The following AP3D1 variants were observed in gnomAD, a reference collection of about 807,000 sequenced individuals.
AP3D1 encodes AP-3 complex subunit delta-1.
In AP3D1, 51 loss-of-function variants were observed where a neutral mutation model predicts 147.6. The ratio of observed to expected loss-of-function variants is 0.35; its 90% CI spans 0.28 to 0.44. The LOEUF (loss-of-function observed/expected upper bound fraction) is 0.44. Among genes scored for constraint, AP3D1 ranks in the 20% least tolerant of loss-of-function variants. The pLI is 1.00. For missense variants in AP3D1, 1,421 were observed against 1,624.2 expected (o/e 0.87, Z 2.15); for synonymous variants, 760 against 663.0 (o/e 1.15, Z -2.25).
At chr19:2,146,502 G>A (rs796203552) in intron 1 of AP3D1, among the ~76,000 whole-genome samples, 46 of 151,900 alleles carry the variant, frequency 3.0e-4, no homozygotes, top group African/African-American at 1.0e-3. Context: ...TACTTCGGAG[G>A]CTGAGGCAGG....
intron 11 of AP3D1, 126 bp from the exon 12 acceptor site, chr19:2,122,005 G>A (rs2018625509): frequency 9.0e-7 from 1 of 1,109,890 alleles, no homozygotes; most frequent in Non-Finnish European, 1.3e-6. Context: ...ACCTGGGGGT[G>A]GACAGAGCAA....
chr19:2,116,768 C>T (rs767139162), intron 16 of AP3D1, 22 bp from the exon 17 acceptor site: 1 of 1,592,906 alleles, frequency 6.3e-7, no homozygotes, highest in South Asian at 1.1e-5. Flanking sequence ...AGGAGGGCCA[C>T]ACAAGGCAGT....
At chr19:2,148,943 AG>A (rs2019433978) in intron 1 of AP3D1, among the ~76,000 whole-genome samples, 2 of 151,710 alleles carry the variant, frequency 1.3e-5, no homozygotes, top group Admixed American at 1.3e-4. Context: ...GCGGGAGGGA[AG>A]AACCTACAAC....
rs1410423212 is a variant in AP3D1 at position 2,132,684 on chromosome 19, G to A, written c.355-106C>T. 4 of 883,546 alleles carry A rather than the reference G, an allele frequency of 4.5e-6. No individual in the cohort carries two copies. In the Admixed American group the frequency reaches 6.1e-5, roughly 13 times the overall value. 54.7% of individuals were successfully genotyped at this position (883,546 alleles called of 1,614,324 possible). ...GCGAAATTCTCCCAGGATGCCCCAGGACTCGGCATATCCTCTTGGGGTGCA... is the reference window on the plus strand; with the variant it reads ...GCGAAATTCTCCCAGGATGCCCCAGAACTCGGCATATCCTCTTGGGGTGCA... On this transcript the variant is annotated intron_variant, in intron 4 of 31. Transcript: ENST00000643116.
chr19:2,118,840 C>G lies in AP3D1; in HGVS notation c.1482-8G>C. 6.2e-7 allele frequency: 1 copy of G among 1,610,078 alleles called. No individual in the cohort carries two copies. The stretch of plus-strand genomic sequence containing the variant: ...TGTGGTTCCTGCAGATGCCTGAGGA[C>G]AGGAAACACTGTGAGCCCCCAGGAT... On this transcript the variant is annotated splice_region_variant and splice_polypyrimidine_tract_variant and intron_variant, in intron 14 of 31. Coordinates refer to ENST00000643116, the MANE Select transcript of AP3D1 (RefSeq NM_001261826.3).
intron 9 of AP3D1, among the ~76,000 whole-genome samples, chr19:2,125,859 G>A (rs1374448306): frequency 6.6e-6 from 1 of 151,864 alleles, no homozygotes; most frequent in Non-Finnish European, 1.5e-5. Context: ...AAAGAGATGG[G>A]GTGCTGGCTG....
At chr19:2,132,687 T>C (rs1305646331) in intron 4 of AP3D1, 109 bp from the exon 5 acceptor site, 2 of 852,346 alleles carry the variant, frequency 2.3e-6, no homozygotes, top group Admixed American at 4.1e-5. Flanking sequence ...GCCCCAGGAC[T>C]CGGCATATCC....
chr19:2,138,691 A>T lies in AP3D1; in HGVS notation c.120T>A (p.Ile40=), dbSNP rs1445754117. 1.2e-6 allele frequency: 2 copies of T among 1,613,348 alleles called. No homozygotes were observed. The highest frequency in any genetic ancestry group is 1.7e-6 in the Non-Finnish European group (2 of 1,179,870). ...EDEAKYISQC[I]DEIKQELKQD... is the part of the protein sequence containing the mutation. ...GCTTCAGCTCCTGCTTGATCTCATC[A>T]ATGCACTGAGATATGTATTTTGCCT... Residue 40 remains isoleucine, a synonymous_variant, in exon 2 of 32, where the codon ATT becomes ATA. Transcript: ENST00000643116.
intron 1 of AP3D1, among the ~76,000 whole-genome samples, chr19:2,158,196 C>T (rs918451029): frequency 1.3e-5 from 2 of 152,082 alleles, no homozygotes; most frequent in Non-Finnish European, 2.9e-5. Context: ...GCTGGGACTA[C>T]AGGCACCCGC....
intron 4 of AP3D1, among the ~76,000 whole-genome samples, chr19:2,136,547 G>A (rs962816396): frequency 3.3e-5 from 5 of 152,186 alleles, no homozygotes; most frequent in African/African-American, 1.2e-4. Flanking sequence ...AGTGGCCTCC[G>A]TGACCATTTC....
rs1414701309 is a variant in AP3D1 at position 2,132,809 on chromosome 19, G to A, written c.355-231C>T. ...GGGAGACTCTGTCACCAAGAGAGGA[G>A]CCGGGATGGGCGCGGCTGGGAACAG... On this transcript the variant is annotated intron_variant, in intron 4 of 31. Transcript: ENST00000643116. Among the ~76,000 whole-genome samples the A allele has an allele frequency of 2.0e-5, 3 of 152,228 alleles. No homozygotes were observed. The East Asian group carries it at 5.8e-4, about 29-fold the overall frequency.
intron 1 of AP3D1, among the ~76,000 whole-genome samples, chr19:2,141,519 C>T (rs2019219891): frequency 8.8e-6 from 1 of 113,222 alleles, no homozygotes; most frequent in African/African-American, 3.4e-5. Context: ...CTGCAACCTC[C>T]GCCTCTCGGT....
intron 31 of AP3D1, among the ~76,000 whole-genome samples, chr19:2,103,180 G>T (rs1198987955): frequency 1.3e-5 from 2 of 152,070 alleles, no homozygotes; most frequent in African/African-American, 4.8e-5. Context: ...CCTCGCAGCT[G>T]TATGTGTTGT....
At chr19:2,163,736 T>C (rs2019793933) in intron 1 of AP3D1, among the ~76,000 whole-genome samples, 1 of 150,914 alleles carries the variant, frequency 6.6e-6, no homozygotes, top group Admixed American at 6.6e-5. Flanking sequence ...GGGGAAGGGG[T>C]CGGCCGAGGG....
At chr19:2,129,708 C>G (rs2018882315) in intron 6 of AP3D1, among the ~76,000 whole-genome samples, 1 of 152,214 alleles carries the variant, frequency 6.6e-6, no homozygotes, top group African/African-American at 2.4e-5. Flanking sequence ...CAAGTGCGCA[C>G]AAGCGTCACC....
At chr19:2,141,981 C>CAT (rs960633408) in intron 1 of AP3D1, among the ~76,000 whole-genome samples, 2 of 149,440 alleles carry the variant, frequency 1.3e-5, no homozygotes, top group Non-Finnish European at 3.0e-5. Context: ...TACTTGTTTA[C>CAT]ATATATATAC....
chr19:2,148,673 G>A (rs951510139), intron 1 of AP3D1, among the ~76,000 whole-genome samples: 8 of 152,198 alleles, frequency 5.3e-5, no homozygotes, highest in Admixed American at 3.9e-4. Flanking sequence ...AGACAGAGCA[G>A]GGGGCTCTAG....
At position 2,108,048 on chromosome 19, in the gene AP3D1, G is replaced by C. The variant is rs73512341; in HGVS notation, c.3552+639C>G. Among the ~76,000 whole-genome samples the C allele has an allele frequency of 5.5e-3, 836 of 152,318 alleles. 7 individuals are homozygous for C. The highest frequency in any genetic ancestry group is 0.019 in the African/African-American group (784 of 41,572). ...GAAAAGGAACTCCCCAGGCCCGATGGTTTTCTGGTGAATTCTGTATACACA... is the reference window on the plus strand; with the variant it reads ...GAAAAGGAACTCCCCAGGCCCGATGCTTTTCTGGTGAATTCTGTATACACA... On this transcript the variant is annotated intron_variant, in intron 31 of 31. Coordinates refer to ENST00000643116, the MANE Select transcript of AP3D1 (RefSeq NM_001261826.3).
chr19:2,110,433 G>A (rs1401875165), intron 27 of AP3D1, among the ~76,000 whole-genome samples: 1 of 152,138 alleles, frequency 6.6e-6, no homozygotes, highest in East Asian at 1.9e-4. Flanking sequence ...CTGTTTCAGA[G>A]GGCAGACTTG....
Sources: allele counts gnomAD v4.1 joint callset (sites outside exome capture counted in the v4.1 genomes callset), GRCh38; gene constraint gnomAD v4.1.1; transcripts MANE v1.5; gene names NCBI Gene and HGNC (gene_info 2026-07-23, HGNC 2026-07-21).